Variants in DTNA observed in about 807,000 individuals in gnomAD.
DTNA encodes the protein dystrobrevin alpha, also known as dystrophin-related protein 3.
A neutral mutation model predicts 100.7 loss-of-function variants in DTNA; 43 were observed. The ratio of observed to expected loss-of-function variants is 0.43; its 90% CI spans 0.33 to 0.55. The LOEUF (loss-of-function observed/expected upper bound fraction) is 0.55. Among genes scored for constraint, DTNA ranks in the 20% least tolerant of loss-of-function variants. The pLI is 0.04. For synonymous variants in DTNA, 349 were observed against 347.9 expected (o/e 1.00, Z -0.04); for missense variants, 798 against 953.9 (o/e 0.84, Z 2.15).
chr18:34,646,636 C>T (rs2059866676), intron 1 of DTNA, among the ~76,000 whole-genome samples: 2 of 152,188 alleles, frequency 1.3e-5, no homozygotes. Context: ...GCACAGACCA[C>T]GTATTCAAAT....
intron 1 of DTNA, among the ~76,000 whole-genome samples, chr18:34,735,913 C>T (rs557422107): frequency 5.6e-4 from 85 of 152,304 alleles, no homozygotes; most frequent in African/African-American, 2.0e-3. Context: ...CATTTCCTCA[C>T]CTTCATCTCC....
intron 1 of DTNA, among the ~76,000 whole-genome samples, chr18:34,722,555 C>G (rs2085565721): frequency 6.6e-6 from 1 of 151,278 alleles, no homozygotes; most frequent in East Asian, 1.9e-4. Context: ...TGATAATGAA[C>G]TAAACTATTT....
intron 1 of DTNA, among the ~76,000 whole-genome samples, chr18:34,603,494 T>TA (rs1292624867): frequency 1.3e-5 from 2 of 152,194 alleles, no homozygotes; most frequent in African/African-American, 2.4e-5. Context: ...TGGTAATAAA[T>TA]ACATTTGTAT....
intron 1 of DTNA, among the ~76,000 whole-genome samples, chr18:34,717,857 G>T (rs2084367921): frequency 6.6e-6 from 1 of 152,208 alleles, no homozygotes; most frequent in Non-Finnish European, 1.5e-5. Flanking sequence ...AATCAGAAAT[G>T]TCTGGAAATG....
At chr18:34,564,186 A>G (rs2146282570) in intron 1 of DTNA, among the ~76,000 whole-genome samples, 1 of 152,042 alleles carries the variant, frequency 6.6e-6, no homozygotes, top group South Asian at 2.1e-4. Context: ...TCTATCACCT[A>G]GGCTGGAGTG....
intron 20 of DTNA, among the ~76,000 whole-genome samples, chr18:34,880,127 T>C (rs1265738792): frequency 2.0e-5 from 3 of 152,208 alleles, no homozygotes; most frequent in South Asian, 2.1e-4. Context: ...CTGTCCAGAA[T>C]TGGTGTAAAC....
rs562627463 is a variant in DTNA, at chr18:34,641,025, T to G, written c.-1-114951T>G. On this transcript the variant is annotated intron_variant, in intron 1 of 19. Transcript: ENST00000283365. ...TATAAACTTGGGGTAAAGACTTTAT[T>G]ATTAATCAAATAACGGATGTGCTAT... 5.9e-5 allele frequency among the ~76,000 whole-genome samples: 9 copies of G among 152,296 alleles called. No individual in the cohort carries two copies. The East Asian group carries it at 1.5e-3, about 26-fold the overall frequency.
Position 34,856,998 on chromosome 18 carries a change from A to G in DTNA, c.1533-1287A>G, listed in dbSNP as rs77009894. ...TGCACTGATTTTCAGGCTGAGCTTT[A>G]TGGCATCCTGAGGGCTCTGCAGGGG... is the stretch of plus-strand genomic sequence containing the variant. On this transcript the variant is annotated intron_variant, in intron 15 of 22. Coordinates refer to ENST00000444659, the MANE Select transcript of DTNA (RefSeq NM_001386795.1). Among the ~76,000 whole-genome samples, 1,313 of 152,252 alleles carry G rather than the reference A, an allele frequency of 8.6e-3. 30 individuals carry two copies. Among genetic ancestry groups the G allele is most frequent in the African/African-American group, 0.03 (1,236 of 41,554 alleles).
At chr18:34,780,191 C>T (rs980808585) in intron 3 of DTNA, among the ~76,000 whole-genome samples, 1 of 152,116 alleles carries the variant, frequency 6.6e-6, no homozygotes, top group African/African-American at 2.4e-5. Context: ...GCTTTATCTC[C>T]TTGTCTGTCA....
At chr18:34,798,288 A>G (rs969794295) in intron 4 of DTNA, among the ~76,000 whole-genome samples, 18 of 152,272 alleles carry the variant, frequency 1.2e-4, no homozygotes, top group Non-Finnish European at 1.0e-4. Flanking sequence ...GGCATGAGCC[A>G]CCATGTCTGG....
chr18:34,716,038 A>AG (rs1320033438), intron 1 of DTNA, among the ~76,000 whole-genome samples: 6 of 152,176 alleles, frequency 3.9e-5, no homozygotes, highest in African/African-American at 1.4e-4. Context: ...AGCAGTGTAC[A>AG]CTGGGTGCAG....
chr18:34,734,765 CAA>C (rs1156458906), intron 1 of DTNA, among the ~76,000 whole-genome samples: 2 of 152,086 alleles, frequency 1.3e-5, no homozygotes, highest in African/African-American at 2.4e-5. Flanking sequence ...ATAGAGTCAC[CAA>C]ACTCCTTGCC....
intron 3 of DTNA, among the ~76,000 whole-genome samples, chr18:34,769,898 T>G (rs1234765668): frequency 6.6e-6 from 1 of 151,782 alleles, no homozygotes; most frequent in African/African-American, 2.4e-5. Context: ...ATTTTGTATT[T>G]TTAGTACAGA....
chr18:34,611,127 T>C (rs138989667), intron 1 of DTNA, among the ~76,000 whole-genome samples: 1 of 152,286 alleles, frequency 6.6e-6, no homozygotes, highest in African/African-American at 2.4e-5. Flanking sequence ...ATACAACATA[T>C]GCTCAGAAAA....
intron 20 of DTNA, 64 bp from the exon 21 acceptor site, chr18:34,882,005 T>G: frequency 6.2e-7 from 1 of 1,611,856 alleles, no homozygotes; most frequent in Non-Finnish European, 8.5e-7. Flanking sequence ...AGCTCACACA[T>G]GAATCCCGCT....
intron 11 of DTNA, among the ~76,000 whole-genome samples, chr18:34,836,355 T>C (rs2149686217): frequency 1.3e-5 from 2 of 152,288 alleles, no homozygotes; most frequent in South Asian, 4.1e-4. Context: ...CTAATTTATT[T>C]TTAAAGTCAA....
intron 22 of DTNA, among the ~76,000 whole-genome samples, chr18:34,885,659 T>C (rs1603361994): frequency 6.6e-6 from 1 of 152,206 alleles, no homozygotes; most frequent in Non-Finnish European, 1.5e-5. Flanking sequence ...AAGAGGCCGG[T>C]ATTAAAAACC....
At chr18:34,786,834 T>C (rs2094526606) in intron 3 of DTNA, among the ~76,000 whole-genome samples, 1 of 152,188 alleles carries the variant, frequency 6.6e-6, no homozygotes, top group Non-Finnish European at 1.5e-5. Flanking sequence ...CTTATACAAA[T>C]CACTGTTAAA....
intron 3 of DTNA, among the ~76,000 whole-genome samples, chr18:34,767,371 T>C (rs1389907208): frequency 6.6e-6 from 1 of 152,172 alleles, no homozygotes; most frequent in African/African-American, 2.4e-5. Flanking sequence ...TTCCTCAAGT[T>C]TCTCCTCTAC....
Sources: gnomAD v4.1 joint callset for allele counts (sites outside exome capture counted in the v4.1 genomes callset) on GRCh38, gnomAD v4.1.1 for gene constraint, MANE v1.5 for transcripts, NCBI Gene and HGNC (gene_info 2026-07-23, HGNC 2026-07-21) for gene names.